The following CSMD1 variants were observed in gnomAD, a reference collection of about 807,000 sequenced individuals.
The protein encoded by CSMD1 is CUB and sushi domain-containing protein 1.
In CSMD1, 213 loss-of-function variants were observed where a neutral mutation model predicts 417.5. The ratio of observed to expected loss-of-function variants is 0.51; its 90% CI spans 0.46 to 0.57. CSMD1 has a LOEUF of 0.57. Among genes scored for constraint, CSMD1 ranks in the 20% least tolerant of loss-of-function variants. The pLI is 0.00. For synonymous variants in CSMD1, 2,862 were observed against 1,736.8 expected, an observed-to-expected ratio of 1.65 and a Z score of -16.11; for missense variants, 6,923 against 4,529.7, an observed-to-expected ratio of 1.53 and a Z score of -15.17.
In CSMD1 at chr8:3,998,101, G is replaced by T; in HGVS notation, c.620C>A (p.Ala207Asp). 6.4e-7 allele frequency: 1 copy of T among 1,565,282 alleles called. No individual in the cohort carries two copies. Among genetic ancestry groups the T allele is most frequent in the South Asian group, 1.2e-5 (1 of 85,378 alleles). Reference protein sequence around the residue: ...FPAPFCRAEGACGGTLRGTSS... With the variant: ...FPAPFCRAEGDCGGTLRGTSS... ...GGTCCCGCGTAAGGTTCCTCCGCAGGCTCCCTCAGCTGCAGGGGCAAAAGC... is the reference window on the plus strand; with the variant it reads ...GGTCCCGCGTAAGGTTCCTCCGCAGTCTCCCTCAGCTGCAGGGGCAAAAGC... The change falls in exon 5 of 70, where the codon GCC (alanine) becomes GAC (aspartate). Residue 207 changes from alanine (A) to aspartate (D), a missense_variant. Transcript: ENST00000635120.
chr8:4,274,736 A>C (rs969114857), intron 3 of CSMD1, among the ~76,000 whole-genome samples: 9 of 152,282 alleles, frequency 5.9e-5, no homozygotes, highest in African/African-American at 2.2e-4. Context: ...TCTTGTGTCT[A>C]AACTGCCTTG....
At chr8:4,867,899 C>A (rs552801062) in intron 1 of CSMD1, among the ~76,000 whole-genome samples, 1 of 151,994 alleles carries the variant, frequency 6.6e-6, no homozygotes, top group African/African-American at 2.4e-5. Flanking sequence ...CCACAAGACA[C>A]GGAGTTGAAT....
At chr8:3,924,001 T>C (rs1312692236) in intron 5 of CSMD1, among the ~76,000 whole-genome samples, 1 of 152,244 alleles carries the variant, frequency 6.6e-6, no homozygotes, top group Non-Finnish European at 1.5e-5. Context: ...AGGTAAGTTT[T>C]GTGCTTTCTT....
At chr8:3,055,401 T>C (rs1812147743) in intron 49 of CSMD1, among the ~76,000 whole-genome samples, 1 of 152,192 alleles carries the variant, frequency 6.6e-6, no homozygotes, top group Non-Finnish European at 1.5e-5. Context: ...AGATTTAAAA[T>C]AACGGTTGGC....
At chr8:3,710,302 A>G (rs1801435423) in intron 6 of CSMD1, among the ~76,000 whole-genome samples, 2 of 152,230 alleles carry the variant, frequency 1.3e-5, no homozygotes, top group Non-Finnish European at 2.9e-5. Flanking sequence ...AAATCTATCT[A>G]TACACACTCA....
chr8:4,142,663 G>A (rs1803861174), intron 3 of CSMD1, among the ~76,000 whole-genome samples: 1 of 151,008 alleles, frequency 6.6e-6, no homozygotes, highest in South Asian at 2.1e-4. Context: ...AACTGATTCT[G>A]GCCGTGGCTT....
rs117753323 is a variant in CSMD1 at position 4,404,093 on chromosome 8, T to C, written c.415+15860A>G. Among the ~76,000 whole-genome samples, 39 of 152,318 alleles carry C rather than the reference T, an allele frequency of 2.6e-4. 1 individual carries two copies. The East Asian group carries it at 7.3e-3, about 29-fold the overall frequency. ...AGCTTTTTACGTGCTTTTACTGCTTTAGGGAATGGTATTTCTCCAGAATTC... is the reference window on the plus strand; with the variant it reads ...AGCTTTTTACGTGCTTTTACTGCTTCAGGGAATGGTATTTCTCCAGAATTC... On this transcript the variant is annotated intron_variant, in intron 3 of 69. Coordinates refer to ENST00000635120, the MANE Select transcript of CSMD1 (RefSeq NM_033225.6).
At position 3,399,399 on chromosome 8, in the gene CSMD1, A is replaced by C; in HGVS notation, c.2397T>G (p.Thr799=). Residue 799 remains threonine (T), a synonymous_variant, in exon 16 of 70, where the codon ACT becomes ACG. Coordinates refer to ENST00000635120, the MANE Select transcript of CSMD1 (RefSeq NM_033225.6). The part of the protein sequence containing the change: ...EAKPGHSIKI[T]FDRFQTEVNY... ...ACTAATTTTTTTCTTACCTGTCAAA[A>C]GTTATTTTGATAGAGTGGCCTGGTT... The C allele has an allele frequency of 6.2e-7, 1 of 1,601,916 alleles. No individual in the cohort carries two copies. Among genetic ancestry groups the C allele is most frequent in the Non-Finnish European group, 8.5e-7 (1 of 1,174,788 alleles).
At chr8:4,576,458 G>A (rs747860982) in intron 2 of CSMD1, among the ~76,000 whole-genome samples, 17 of 152,142 alleles carry the variant, frequency 1.1e-4, no homozygotes, top group Non-Finnish European at 2.2e-4. Context: ...ATAGTCCTTC[G>A]TTTGGCTGGA....
chr8:4,667,983 TACA>T (rs1416701291), intron 1 of CSMD1, among the ~76,000 whole-genome samples: 1 of 152,250 alleles, frequency 6.6e-6, no homozygotes, highest in African/African-American at 2.4e-5. Context: ...GTTAAAAATC[TACA>T]ATATTTTCGA....
In CSMD1 at chr8:4,591,940, G is replaced by C. The variant is rs57083978; in HGVS notation, c.302+45402C>G. On this transcript the variant is annotated intron_variant, in intron 2 of 69. Transcript: ENST00000635120. The stretch of plus-strand genomic sequence containing the variant: ...ACTTCAGGAGATCGGAGGAAAGGCA[G>C]CTGCTAGTGCAAACGCCTAGATAGA... Among the ~76,000 whole-genome samples, 540 of 152,186 alleles carry C rather than the reference G, an allele frequency of 3.5e-3. 5 individuals are homozygous for C. The highest frequency in any genetic ancestry group is 0.013 in the African/African-American group (523 of 41,516).
chr8:3,714,030 AG>A (rs1366716296), intron 6 of CSMD1, among the ~76,000 whole-genome samples: 1 of 114,544 alleles, frequency 8.7e-6, no homozygotes, highest in Non-Finnish European at 2.0e-5. Context: ...CTATGCAGAT[AG>A]ATAGATAGAT....
chr8:4,511,570 G>C (rs1172803213), intron 2 of CSMD1, among the ~76,000 whole-genome samples: 1 of 151,958 alleles, frequency 6.6e-6, no homozygotes, highest in Non-Finnish European at 1.5e-5. Context: ...CAGAGAGGTG[G>C]GGGTCATAGG....
At chr8:3,494,824 G>A (rs1057310847) in intron 10 of CSMD1, among the ~76,000 whole-genome samples, 1 of 152,190 alleles carries the variant, frequency 6.6e-6, no homozygotes, top group Non-Finnish European at 1.5e-5. Flanking sequence ...GTTTTAGAAT[G>A]AAACAGAAAT....
At chr8:4,528,734 T>A (rs1382303450) in intron 2 of CSMD1, among the ~76,000 whole-genome samples, 1 of 152,128 alleles carries the variant, frequency 6.6e-6, no homozygotes, top group East Asian at 1.9e-4. Flanking sequence ...CAAAAAAATG[T>A]TTAAGTAAGA....
intron 3 of CSMD1, among the ~76,000 whole-genome samples, chr8:4,217,555 G>C (rs543368230): frequency 1.3e-5 from 2 of 152,074 alleles, no homozygotes; most frequent in South Asian, 4.1e-4. Flanking sequence ...AATAAGGAAG[G>C]CTTTACGCAG....
intron 3 of CSMD1, among the ~76,000 whole-genome samples, chr8:4,076,805 A>G (rs768828826): frequency 7.2e-5 from 11 of 152,138 alleles, no homozygotes; most frequent in Non-Finnish European, 1.6e-4. Context: ...ATACACCATC[A>G]CGCAAGGCCA....
intron 5 of CSMD1, among the ~76,000 whole-genome samples, chr8:3,986,766 T>A (rs199984349): frequency 2.4e-5 from 2 of 83,240 alleles, no homozygotes; most frequent in African/African-American, 1.0e-4. Context: ...GTGATTTTTC[T>A]TTTTTTTTAG....
At chr8:3,062,349 C>T (rs1812643683) in intron 49 of CSMD1, among the ~76,000 whole-genome samples, 2 of 152,086 alleles carry the variant, frequency 1.3e-5, no homozygotes, top group Non-Finnish European at 2.9e-5. Context: ...GGGGATAGAA[C>T]TGGTCACACT....
Sources: gnomAD v4.1 joint callset for allele counts (sites outside exome capture counted in the v4.1 genomes callset) on GRCh38, gnomAD v4.1.1 for gene constraint, MANE v1.5 for transcripts, NCBI Gene and HGNC (gene_info 2026-07-23, HGNC 2026-07-21) for gene names.